C2CD3: variants seen among roughly 807,000 people sequenced by gnomAD.
C2CD3 encodes the protein C2 domain containing 3 centriole elongation regulator, also known as C2 domain-containing protein 3.
In C2CD3, 148 loss-of-function variants were observed where a neutral mutation model predicts 234.0. The ratio of observed to expected loss-of-function variants is 0.63; its 90% CI spans 0.55 to 0.72. C2CD3 has a LOEUF of 0.72. C2CD3 is among the 30% of genes least tolerant of loss of function. The pLI, the probability that C2CD3 is intolerant of heterozygous loss-of-function variation, is 0.00. For synonymous variants in C2CD3, 1,000 were observed against 1,035.4 expected (o/e 0.97, Z 0.66); for missense variants, 2,577 against 2,811.5 (o/e 0.92, Z 1.89).
At chr11:74,018,623 C>T (rs1206439605) in intron 32 of C2CD3, among the ~76,000 whole-genome samples, 2 of 152,214 alleles carry the variant, frequency 1.3e-5, no homozygotes, top group Admixed American at 6.5e-5. Flanking sequence ...TCAACTTTCA[C>T]CCCTTTGGCT....
At position 74,013,454 on chromosome 11, in the gene C2CD3, G is replaced by T; in HGVS notation, c.6993C>A (p.Leu2331=). The T allele has an allele frequency of 7.0e-7, 1 of 1,431,360 alleles. No homozygotes were observed. The highest frequency in any genetic ancestry group is 9.1e-7 in the Non-Finnish European group (1 of 1,096,942). The allele number at this position is 1,431,360 out of a possible 1,614,324, so 88.7% of individuals were successfully genotyped here. A position where few individuals can be genotyped will look rare whatever the true frequency, so the allele number is the denominator to read the frequency against. ...PCRPRPNSLP[L]NLPEEETLRI... ...TGAGAGTTTCTTCCTCAGGCAGGTT[G>T]AGGGGGAGCGAGTTAGGTCTGGGGC... The change falls in exon 33 of 33, where the codon CTC becomes CTA. Residue 2331 remains leucine, a synonymous_variant. Transcript: ENST00000334126.
rs1957750501 is a variant in C2CD3 at position 74,133,551 on chromosome 11, A to G, written c.962T>C (p.Leu321Ser). The G allele has an allele frequency of 6.2e-7, 1 of 1,613,996 alleles. No homozygotes were observed. Residue 321 changes from leucine (L) to serine (S), a missense_variant, in exon 6 of 33, where the codon TTA becomes TCA. Physicochemically the swap from Leu to Ser is moderately radical, Grantham distance 145 (BLOSUM62 -2). Transcript: ENST00000334126. Reference sequence around the variant, plus strand: ...ATTACGCAGTTTATTGCCTTGTTCTAACAGAGCTGAAGAGGGTAAATGCAG... The same window carrying G: ...ATTACGCAGTTTATTGCCTTGTTCTGACAGAGCTGAAGAGGGTAAATGCAG... ...LPTKDLLSAL[L>S]EQGNKLRNAM...
chr11:74,057,223 C>T lies in C2CD3; in HGVS notation c.5090+183G>A, dbSNP rs542198555. 2.6e-5 allele frequency among the ~76,000 whole-genome samples: 4 copies of T among 152,276 alleles called. No homozygotes were observed. The East Asian group carries it at 5.8e-4, about 22-fold the overall frequency. ...CTGAGAAGAGTTAAAAACACTAAAA[C>T]AAAACCTTTAAACCACTGCTTCCTG... is the stretch of plus-strand genomic sequence containing the variant. On this transcript the variant is annotated intron_variant, in intron 25 of 32. Coordinates refer to ENST00000334126, the MANE Select transcript of C2CD3 (RefSeq NM_001286577.2).
At chr11:74,096,195 C>A (rs771502979) in intron 16 of C2CD3, among the ~76,000 whole-genome samples, 6 of 152,168 alleles carry the variant, frequency 3.9e-5, no homozygotes, top group Non-Finnish European at 7.3e-5. Flanking sequence ...TTAGACTCAA[C>A]GTAGTCTGAC....
chr11:74,164,979 G>A (rs907801038), intron 2 of C2CD3: 1 of 152,158 alleles, frequency 6.6e-6, no homozygotes, highest in Non-Finnish European at 1.5e-5. Flanking sequence ...GCTGAGGTGG[G>A]AAGATTGCTT....
chr11:74,080,052 C>T (rs1955271036), intron 22 of C2CD3, among the ~76,000 whole-genome samples: 2 of 152,086 alleles, frequency 1.3e-5, no homozygotes, highest in Admixed American at 1.3e-4. Flanking sequence ...AGGCAGTTGC[C>T]TAAGTCTCAT....
At chr11:74,099,844 C>T (rs1259451971) in intron 15 of C2CD3, among the ~76,000 whole-genome samples, 3 of 149,948 alleles carry the variant, frequency 2.0e-5, no homozygotes, top group East Asian at 2.0e-4. Context: ...TGCAGTGAGC[C>T]GAGATCGTGC....
chr11:74,156,580 C>T (rs1056531368), intron 3 of C2CD3, among the ~76,000 whole-genome samples: 1 of 151,880 alleles, frequency 6.6e-6, no homozygotes, highest in Non-Finnish European at 1.5e-5. Context: ...GAGGCCGAGG[C>T]AGGAGAACCG....
At chr11:74,152,161 C>T (rs889412333) in intron 3 of C2CD3, among the ~76,000 whole-genome samples, 1 of 152,008 alleles carries the variant, frequency 6.6e-6, no homozygotes, top group South Asian at 2.1e-4. Context: ...TTCTATCCAG[C>T]CTGATCCAGA....
intron 31 of C2CD3, among the ~76,000 whole-genome samples, chr11:74,029,914 C>A (rs2135409692): frequency 6.6e-6 from 1 of 152,204 alleles, no homozygotes; most frequent in East Asian, 1.9e-4. Flanking sequence ...TGCCACCATG[C>A]CTGGCTAATT....
chr11:74,017,114 A>T (rs1685333), intron 32 of C2CD3, among the ~76,000 whole-genome samples: 1 of 152,016 alleles, frequency 6.6e-6, no homozygotes, highest in Non-Finnish European at 1.5e-5. Context: ...GGTATGGAGA[A>T]CAGCCAAGAC....
rs774712341 is a variant in C2CD3 at position 74,074,333 on chromosome 11, G to A, written c.4871C>T (p.Thr1624Met). 7.4e-6 allele frequency: 12 copies of A among 1,614,106 alleles called. No individual in the cohort carries two copies. Among genetic ancestry groups the A allele is most frequent in the African/African-American group, 5.3e-5 (4 of 74,946 alleles). The part of the protein sequence containing the change: ...CSSTTAEVRL[T>M]QEGPADLDGT... ...ATCCAAATCAGCAGGGCCCTCCTGC[G>A]TCAGGCGGACTTCAGCTGTGGTGCT... The change falls in exon 24 of 33, where the codon ACG (threonine) becomes ATG (methionine). Residue 1624 changes from threonine to methionine, a missense_variant. Transcript: ENST00000334126.
intron 32 of C2CD3, among the ~76,000 whole-genome samples, chr11:74,018,102 G>C (rs190482681): frequency 6.6e-6 from 1 of 152,334 alleles, no homozygotes; most frequent in Admixed American, 6.5e-5. Flanking sequence ...TCACTGTCAA[G>C]TGGATCTAAG....
At chr11:74,054,507 G>GAAAAA (rs869085401) in intron 26 of C2CD3, 100 bp downstream of exon 26, 60 of 275,562 alleles carry the variant, frequency 2.2e-4, no homozygotes, top group South Asian at 7.2e-4. Context: ...ACTTGGTTTG[G>GAAAAA]AAAAAAAAAA....
chr11:74,090,999 A>G, intron 19 of C2CD3, 63 bp from the exon 20 acceptor site: 2 of 1,585,010 alleles, frequency 1.3e-6, no homozygotes, highest in Middle Eastern at 1.7e-4. Flanking sequence ...ACCAAACCAC[A>G]AAGTTTTGGT....
intron 9 of C2CD3, among the ~76,000 whole-genome samples, chr11:74,116,827 CGT>C (rs1389105091): frequency 1.2e-4 from 16 of 133,312 alleles, no homozygotes; most frequent in Admixed American, 3.0e-4. Context: ...CACATATATA[CGT>C]GTGTGTATAT....
At chr11:74,133,007 C>G in intron 6 of C2CD3, 35 bp from the exon 7 acceptor site, 1 of 1,605,002 alleles carries the variant, frequency 6.2e-7, no homozygotes, top group Non-Finnish European at 8.5e-7. Context: ...CACTGAGTGG[C>G]TAACAGATGG....
At chr11:74,067,318 G>T (rs1012859696) in intron 24 of C2CD3, among the ~76,000 whole-genome samples, 1 of 152,084 alleles carries the variant, frequency 6.6e-6, no homozygotes. Flanking sequence ...ACTGAGGCAT[G>T]TACAAGTTGC....
At chr11:74,041,239 C>T (rs1953038775) in intron 29 of C2CD3, among the ~76,000 whole-genome samples, 1 of 152,094 alleles carries the variant, frequency 6.6e-6, no homozygotes, top group South Asian at 2.1e-4. Flanking sequence ...CATTCAAGGA[C>T]CTTCATGATG....
Sources: gnomAD v4.1 joint callset for allele counts (sites outside exome capture counted in the v4.1 genomes callset) on GRCh38, gnomAD v4.1.1 for gene constraint, MANE v1.5 for transcripts, NCBI Gene and HGNC (gene_info 2026-07-23, HGNC 2026-07-21) for gene names.